Variants in MYCBP2 observed in about 807,000 individuals in gnomAD.
MYCBP2 encodes the protein E3 ubiquitin-protein ligase MYCBP2.
Under a neutral mutation model 525.3 loss-of-function variants are expected in MYCBP2, and 120 were observed. That is an observed-to-expected ratio of 0.23 (90% CI 0.20 to 0.27). The LOEUF is 0.27. Ranked by LOEUF, MYCBP2 falls within the 10% of genes least tolerant of loss-of-function variation. The probability of loss-of-function intolerance (pLI) is 1.00; values close to 1 mark genes in which losing one functional copy is unlikely to be tolerated. For synonymous variants in MYCBP2, 1,894 were observed against 1,955.8 expected, an observed-to-expected ratio of 0.97 and a Z score of 0.83; for missense variants, 4,149 against 5,657.1, an observed-to-expected ratio of 0.73 and a Z score of 8.55.
intron 2 of MYCBP2, among the ~76,000 whole-genome samples, chr13:77,291,908 T>C (rs954107470): frequency 3.5e-4 from 53 of 152,342 alleles, no homozygotes; most frequent in African/African-American, 1.2e-3. Flanking sequence ...TTTGGGAATG[T>C]GGATGTTTAG....
At chr13:77,192,815 G>A (rs990515489) in intron 27 of MYCBP2, among the ~76,000 whole-genome samples, 5 of 151,980 alleles carry the variant, frequency 3.3e-5, no homozygotes, top group African/African-American at 9.7e-5. Context: ...TTATATTTTC[G>A]ACTCAAACTC....
At chr13:77,227,446 A>G (rs1487203207) in intron 18 of MYCBP2, among the ~76,000 whole-genome samples, 1 of 149,094 alleles carries the variant, frequency 6.7e-6, no homozygotes, top group African/African-American at 2.5e-5. Flanking sequence ...TGGAATGGTA[A>G]AATATATGCA....
chr13:77,071,198 C>T (rs866784000), intron 68 of MYCBP2, among the ~76,000 whole-genome samples: 4 of 151,586 alleles, frequency 2.6e-5, no homozygotes, highest in East Asian at 3.9e-4. Context: ...ATTATGTGCA[C>T]GCTGTTCTTC....
chr13:77,271,325 G>A (rs2074862120), intron 5 of MYCBP2, among the ~76,000 whole-genome samples: 1 of 152,160 alleles, frequency 6.6e-6, no homozygotes, highest in Non-Finnish European at 1.5e-5. Flanking sequence ...GAAGTCAAGA[G>A]TTCAACCCTC....
intron 1 of MYCBP2, among the ~76,000 whole-genome samples, chr13:77,298,165 G>T (rs2154367705): frequency 6.6e-6 from 1 of 152,292 alleles, no homozygotes; most frequent in East Asian, 1.9e-4. Context: ...CCAGCAAGAA[G>T]GATATTCTTT....
intron 18 of MYCBP2, among the ~76,000 whole-genome samples, chr13:77,229,231 C>T (rs2066782937): frequency 6.6e-6 from 1 of 152,124 alleles, no homozygotes; most frequent in African/African-American, 2.4e-5. Flanking sequence ...CATCAGGTTC[C>T]TATGAGAATT....
chr13:77,276,648 T>C (rs1240207668), intron 4 of MYCBP2, among the ~76,000 whole-genome samples: 2 of 151,714 alleles, frequency 1.3e-5, no homozygotes, highest in African/African-American at 4.8e-5. Context: ...TTTTTGGGTT[T>C]TGTGGGATTT....
chr13:77,326,422 G>A lies in MYCBP2; in HGVS notation c.302+52C>T. The A allele has an allele frequency of 1.4e-6, 2 of 1,480,662 alleles. No individual in the cohort carries two copies. Among genetic ancestry groups the A allele is most frequent in the African/African-American group, 1.5e-5 (1 of 68,472 alleles). The allele number at this position is 1,480,662 out of a possible 1,614,324, so 91.7% of individuals were successfully genotyped here. ...ACACGCGGGTGCACGCGCGGCATGG[G>A]GCGCAAGGAAGGGCGGCATGGGGCG... On this transcript the variant is annotated intron_variant, in intron 1 of 82. Transcript: ENST00000544440. This position sits in a 1 kb window ranked among gnomAD's most constrained non-coding sequence, Gnocchi z 4.2.
At chr13:77,076,897 C>A (rs1451676325) in intron 67 of MYCBP2, 48 bp from the exon 68 acceptor site, 1 of 1,404,978 alleles carries the variant, frequency 7.1e-7, no homozygotes, top group South Asian at 1.2e-5. Flanking sequence ...GGCATTAACA[C>A]TATATTGGCC....
chr13:77,258,570 C>G (rs1446447549), intron 13 of MYCBP2, among the ~76,000 whole-genome samples: 1 of 152,120 alleles, frequency 6.6e-6, no homozygotes, highest in African/African-American at 2.4e-5. Flanking sequence ...TTTGGGAAAA[C>G]TGTTCTACAT....
intron 4 of MYCBP2, among the ~76,000 whole-genome samples, chr13:77,275,858 C>T (rs183996742): frequency 6.6e-5 from 10 of 152,178 alleles, no homozygotes; most frequent in Admixed American, 6.5e-4. Flanking sequence ...GTGGAACGCG[C>T]CTGTAGTCCA....
intron 1 of MYCBP2, among the ~76,000 whole-genome samples, chr13:77,316,303 G>C (rs2080926902): frequency 6.6e-6 from 1 of 152,148 alleles, no homozygotes; most frequent in African/African-American, 2.4e-5. Context: ...AACTAAACTA[G>C]TTACAGTAGC....
chr13:77,163,952 A>C (rs1348854782), intron 43 of MYCBP2, among the ~76,000 whole-genome samples: 2 of 152,124 alleles, frequency 1.3e-5, no homozygotes, highest in African/African-American at 4.8e-5. Context: ...TGCATCTTTG[A>C]AATTTTGATA....
chr13:77,299,755 C>T (rs570830856), intron 1 of MYCBP2, among the ~76,000 whole-genome samples: 238 of 152,252 alleles, frequency 1.6e-3, no homozygotes, highest in African/African-American at 5.4e-3. Context: ...TGAAGAATGT[C>T]TGGAATTGGT....
intron 2 of MYCBP2, among the ~76,000 whole-genome samples, chr13:77,293,829 T>A (rs1037231601): frequency 6.6e-6 from 1 of 151,868 alleles, no homozygotes; most frequent in Non-Finnish European, 1.5e-5. Flanking sequence ...AAAAACAGAT[T>A]CCCTCCTAGA....
intron 16 of MYCBP2, among the ~76,000 whole-genome samples, 182 bp downstream of exon 16, chr13:77,243,624 A>G (rs1247998212): frequency 1.3e-5 from 2 of 151,924 alleles, no homozygotes; most frequent in Non-Finnish European, 2.9e-5. Context: ...AAAAAAGAAA[A>G]AAAAAAAAAA....
intron 46 of MYCBP2, among the ~76,000 whole-genome samples, chr13:77,154,943 C>T (rs2057029037): frequency 6.6e-6 from 1 of 151,882 alleles, no homozygotes; most frequent in Admixed American, 6.6e-5. Context: ...CAGAGTATAG[C>T]ATATTATGTA....
chr13:77,119,025 TC>T (rs544794907), intron 55 of MYCBP2, among the ~76,000 whole-genome samples: 1 of 152,216 alleles, frequency 6.6e-6, no homozygotes, highest in Non-Finnish European at 1.5e-5. Flanking sequence ...ATTAATACTT[TC>T]TTTTTTAAGT....
intron 1 of MYCBP2, among the ~76,000 whole-genome samples, chr13:77,315,012 C>G (rs765286445): frequency 2.0e-5 from 3 of 152,128 alleles, no homozygotes; most frequent in Non-Finnish European, 4.4e-5. Flanking sequence ...CTATGGATAA[C>G]TTCATGCTAA....
Sources: allele counts gnomAD v4.1 joint callset (sites outside exome capture counted in the v4.1 genomes callset), GRCh38; gene constraint gnomAD v4.1.1; non-coding constraint Gnocchi (gnomAD v3.1); transcripts MANE v1.5; gene names NCBI Gene and HGNC (gene_info 2026-07-23, HGNC 2026-07-21).